NOC2L: variants seen among roughly 807,000 people sequenced by gnomAD.
NOC2L encodes NOC2 like nucleolar associated transcriptional repressor, also known as nucleolar complex protein 2 homolog.
NOC2L carries 101 observed loss-of-function variants against 94.2 expected under a neutral mutation model. The ratio of observed to expected loss-of-function variants is 1.07; its 90% CI spans 0.91 to 1.26. NOC2L has a LOEUF of 1.26. Ranked by LOEUF, NOC2L falls within the 50% of genes most tolerant of loss-of-function variation. The probability of loss-of-function intolerance (pLI) is 0.00; values close to 1 mark genes in which losing one functional copy is unlikely to be tolerated. For missense variants in NOC2L, 1,076 were observed against 980.1 expected, an observed-to-expected ratio of 1.10 and a Z score of -1.31; for synonymous variants, 531 against 413.4, an observed-to-expected ratio of 1.28 and a Z score of -3.45.
chr1:955,518 G>A (rs964704344), intron 6 of NOC2L, among the ~76,000 whole-genome samples: 21 of 152,190 alleles, frequency 1.4e-4, no homozygotes, highest in Middle Eastern at 3.2e-3. Flanking sequence ...CAGCATTGAT[G>A]AGGCCCCTGT....
At chr1:958,610 C>T in intron 2 of NOC2L, 1 of 557,290 alleles carries the variant, frequency 1.8e-6, no homozygotes, top group Non-Finnish European at 3.4e-6. Flanking sequence ...CCCCTCTGTC[C>T]TTCCTTTCCC....
intron 14 of NOC2L, 176 bp from the exon 15 acceptor site, chr1:946,721 A>T (rs1441750242): frequency 1.4e-6 from 1 of 721,596 alleles, no homozygotes; most frequent in Non-Finnish European, 2.2e-6. Flanking sequence ...AGGCAGAATC[A>T]GCCCACCCTC....
At chr1:946,018 C>T (rs1468142909) in intron 16 of NOC2L, among the ~76,000 whole-genome samples, 155 bp downstream of exon 16, 1 of 152,238 alleles carries the variant, frequency 6.6e-6, no homozygotes, top group Non-Finnish European at 1.5e-5. Flanking sequence ...GCCAGTTCTC[C>T]AACACCTACC....
At position 952,170 on chromosome 1, in the gene NOC2L, C is replaced by T. The variant is rs1038934972; in HGVS notation, c.1192-31G>A. 5 of 1,611,438 alleles carry T rather than the reference C, an allele frequency of 3.1e-6. No individual in the cohort carries two copies. The African/African-American group carries it at 6.7e-5, about 22-fold the overall frequency. ...CAGAGAGAACCACGTCAGCTACTGGCCAGGCTGACAAGTCAGGCTGATGCA... is the reference window on the plus strand; with the variant it reads ...CAGAGAGAACCACGTCAGCTACTGGTCAGGCTGACAAGTCAGGCTGATGCA... On this transcript the variant is annotated intron_variant, in intron 10 of 18. Coordinates refer to ENST00000327044, the MANE Select transcript of NOC2L (RefSeq NM_015658.4).
Position 955,955 on chromosome 1 carries a change from C to G in NOC2L, c.666G>C (p.Leu222=), listed in dbSNP as rs1445559140. 2.5e-6 allele frequency: 4 copies of G among 1,613,894 alleles called. No individual in the cohort carries two copies. The African/African-American group carries it at 5.3e-5, about 22-fold the overall frequency. ...IRDLIGCLQK[L]LFGKVAKDSS... Reference sequence around the variant, plus strand: ...TATCCTTTGCCACCTTTCCAAACAGCAGCTTCTGGAGACAGCCAATGAGGT... The same window carrying G: ...TATCCTTTGCCACCTTTCCAAACAGGAGCTTCTGGAGACAGCCAATGAGGT... Residue 222 remains leucine, a synonymous_variant, in exon 6 of 19, where the codon CTG becomes CTC. Transcript: ENST00000327044.
At chr1:951,381 C>T in intron 11 of NOC2L, 143 bp from the exon 12 acceptor site, 2 of 657,530 alleles carry the variant, frequency 3.0e-6, no homozygotes, top group South Asian at 3.6e-5. Flanking sequence ...CAGGGACCTG[C>T]ACCCCTTGCC....
intron 6 of NOC2L, among the ~76,000 whole-genome samples, chr1:954,835 A>C (rs1642359683): frequency 6.6e-6 from 1 of 152,072 alleles, no homozygotes. Flanking sequence ...AGGAAAAAAA[A>C]AAACCAAAAA....
At chr1:952,333 C>A in intron 10 of NOC2L, 79 bp downstream of exon 10, 2 of 1,548,432 alleles carry the variant, frequency 1.3e-6, no homozygotes, top group Admixed American at 1.8e-5. Context: ...CGGGGAGGCC[C>A]CAGGCCCTGC....
At chr1:954,680 A>G (rs1569950945) in intron 6 of NOC2L, among the ~76,000 whole-genome samples, 1 of 152,172 alleles carries the variant, frequency 6.6e-6, no homozygotes, top group East Asian at 1.9e-4. Flanking sequence ...AAAAATATAC[A>G]AAATATTATC....
Position 959,101 on chromosome 1 carries a change from C to T in NOC2L, c.27-20G>A. 4 of 1,609,766 alleles carry T rather than the reference C, an allele frequency of 2.5e-6. No homozygotes were observed. Among genetic ancestry groups the T allele is most frequent in the Non-Finnish European group, 3.4e-6 (4 of 1,177,818 alleles). ...AGGCGCCTGCGGGTCACGCAGGAGTCACAGCTGCCCGCACGCCCAGCTCGC... is the reference window on the plus strand; with the variant it reads ...AGGCGCCTGCGGGTCACGCAGGAGTTACAGCTGCCCGCACGCCCAGCTCGC... On this transcript the variant is annotated intron_variant, in intron 1 of 18. Transcript: ENST00000327044.
intron 12 of NOC2L, among the ~76,000 whole-genome samples, chr1:950,555 A>G (rs1300253802): frequency 2.0e-5 from 3 of 152,206 alleles, no homozygotes. Context: ...ACACACATGC[A>G]TACACACAGG....
At chr1:948,384 G>A in intron 13 of NOC2L, 106 bp downstream of exon 13, 1 of 1,053,456 alleles carries the variant, frequency 9.5e-7, no homozygotes, top group South Asian at 1.4e-5. Context: ...AGACCATGAA[G>A]GTCCATGCTT....
At position 946,520 on chromosome 1, in the gene NOC2L, T is replaced by C. The variant is rs762004275; in HGVS notation, c.1685A>G (p.Lys562Arg). Reference sequence around the variant, plus strand: ...CACCTGCCGGCAGTAGTTGGCCACCTTGCACTCCCGGAGGAACGACTTCAG... The same window carrying C: ...CACCTGCCGGCAGTAGTTGGCCACCCTGCACTCCCGGAGGAACGACTTCAG... The part of the protein sequence containing the change: ...LQLKSFLREC[K>R]VANYCRQVQQ... Residue 562 changes from lysine to arginine, a missense_variant, in exon 15 of 19, where the codon AAG becomes AGG. This residue lies in a region of NOC2L where 615 missense variants were observed against 577.4 expected (regional missense o/e 1.07). Transcript: ENST00000327044. The C allele has an allele frequency of 1.2e-6, 2 of 1,612,948 alleles. No homozygotes were observed. Among genetic ancestry groups the C allele is most frequent in the East Asian group, 2.2e-5 (1 of 44,902 alleles).
intron 2 of NOC2L, chr1:958,656 G>A (rs1340284932): frequency 2.7e-5 from 18 of 657,916 alleles, no homozygotes; most frequent in Non-Finnish European, 4.8e-5. Context: ...CGAACTGCAG[G>A]CGGTGATTTC....
At position 946,488 on chromosome 1, in the gene NOC2L, G is replaced by C; in HGVS notation, c.1717C>G (p.Leu573Val). The change falls in exon 15 of 19, where the codon CTG (leucine) becomes GTG (valine). Residue 573 changes from leucine (L) to valine (V), a missense_variant. Leu to Val is a conservative substitution (Grantham distance 32). Transcript: ENST00000327044. ...VANYCRQVQQ[L>V]LGKVQENSAY... ...GAGTTCTCCTGAACCTTCCCAAGCA[G>C]CTGCTGCACCTGCCGGCAGTAGTTG... The C allele has an allele frequency of 6.2e-7, 1 of 1,613,314 alleles. No individual in the cohort carries two copies. The highest frequency in any genetic ancestry group is 8.5e-7 in the Non-Finnish European group (1 of 1,180,000).
At position 944,590 on chromosome 1, in the gene NOC2L, C is replaced by G. The variant is rs1642033228; in HGVS notation, c.*104G>C. Reference sequence around the variant, plus strand: ...ATAAAGCCTGTCCCGTGTCTACTGCCTCCCCCAACTGCACAGACGCCAGCC... The same window carrying G: ...ATAAAGCCTGTCCCGTGTCTACTGCGTCCCCCAACTGCACAGACGCCAGCC... On this transcript the variant is annotated 3_prime_UTR_variant, in exon 19 of 19. Transcript: ENST00000327044. 2 of 694,244 alleles carry G rather than the reference C, an allele frequency of 2.9e-6. No homozygotes were observed. The highest frequency in any genetic ancestry group is 1.7e-5 in the South Asian group (1 of 58,602). 43.0% of individuals were successfully genotyped at this position (694,244 alleles called of 1,614,324 possible).
chr1:948,074 AAGCCCGTTAT>A (rs1221616633), intron 14 of NOC2L, 47 bp downstream of exon 14: 1 of 1,413,982 alleles, frequency 7.1e-7, no homozygotes, highest in African/African-American at 1.4e-5. Context: ...TGGGGCAGCC[AAGCCCGTTAT>A]AAGACAGTCT....
chr1:948,138 A>T lies in NOC2L; in HGVS notation c.1652T>A (p.Val551Asp). The change falls in exon 14 of 19, where the codon GTC becomes GAC. Residue 551 changes from valine to aspartate, a missense_variant. Coordinates refer to ENST00000327044, the MANE Select transcript of NOC2L (RefSeq NM_015658.4). Reference protein sequence around the residue: ...IGFPELVLPVVLQLKSFLREC... With the variant: ...IGFPELVLPVDLQLKSFLREC... ...TGTGGGCAGGACACACACCTGCAGG[A>T]CCACAGGCAGCACCAGCTCCGGGAA... 1.9e-6 allele frequency: 3 copies of T among 1,585,944 alleles called. No homozygotes were observed. Among genetic ancestry groups the T allele is most frequent in the Non-Finnish European group, 2.6e-6 (3 of 1,166,982 alleles).
chr1:953,009 C>T (rs150993763), intron 9 of NOC2L, among the ~76,000 whole-genome samples, 166 bp downstream of exon 9: 1,692 of 152,324 alleles, frequency 0.011, 20 homozygotes, highest in Non-Finnish European at 0.017. Context: ...CTGCCCACCA[C>T]CCCCAGGTGC....
Sources: allele counts gnomAD v4.1 joint callset (sites outside exome capture counted in the v4.1 genomes callset), GRCh38; gene constraint gnomAD v4.1.1; regional missense constraint gnomAD v4.1.1; transcripts MANE v1.5; gene names NCBI Gene and HGNC (gene_info 2026-07-23, HGNC 2026-07-21).